Variants in RIN2 observed in about 807,000 individuals in gnomAD.
RIN2 encodes the protein Ras and Rab interactor 2, also known as RAB5 interacting protein 2.
In RIN2, 36 loss-of-function variants were observed where a neutral mutation model predicts 78.0. That is an observed-to-expected ratio of 0.46 (90% CI 0.35 to 0.61). The LOEUF is 0.61. Ranked by LOEUF, RIN2 falls within the 20% of genes least tolerant of loss-of-function variation. The pLI, the probability that RIN2 is intolerant of heterozygous loss-of-function variation, is 0.00. For missense variants in RIN2, 1,087 were observed against 1,159.7 expected (o/e 0.94, Z 0.91); for synonymous variants, 466 against 466.8 (o/e 1.00, Z 0.02).
intron 3 of RIN2, among the ~76,000 whole-genome samples, chr20:19,916,314 T>C (rs554649366): frequency 6.6e-6 from 1 of 152,254 alleles, no homozygotes; most frequent in East Asian, 1.9e-4. Context: ...TGCTTTAAGT[T>C]TGCATTTCTT....
chr20:19,939,042 C>G (rs1229275272), intron 4 of RIN2, among the ~76,000 whole-genome samples: 1 of 152,160 alleles, frequency 6.6e-6, no homozygotes, highest in South Asian at 2.1e-4. Context: ...CCAGGCAGCT[C>G]TACCTTTTAT....
chr20:19,855,194 C>G (rs566028458), intron 2 of RIN2, among the ~76,000 whole-genome samples: 1 of 151,818 alleles, frequency 6.6e-6, no homozygotes, highest in Non-Finnish European at 1.5e-5. Flanking sequence ...TATTGATTTG[C>G]GTATGTTGAA....
At chr20:19,774,126 T>C (rs1032490947) in intron 1 of RIN2, among the ~76,000 whole-genome samples, 1 of 151,960 alleles carries the variant, frequency 6.6e-6, no homozygotes, top group East Asian at 1.9e-4. Flanking sequence ...CTCCTCTCTT[T>C]TATCTCACAG....
At chr20:19,985,568 A>C (rs372104879) in intron 9 of RIN2, among the ~76,000 whole-genome samples, 42 of 152,168 alleles carry the variant, frequency 2.8e-4, no homozygotes, top group Non-Finnish European at 4.4e-4. Flanking sequence ...TGTTACTAGA[A>C]AAATAGAAAA....
chr20:19,788,354 G>A (rs562801874), intron 1 of RIN2, among the ~76,000 whole-genome samples: 1 of 150,644 alleles, frequency 6.6e-6, no homozygotes, highest in African/African-American at 2.5e-5. Flanking sequence ...CAGCACTTTG[G>A]GGGGCTGAGG....
chr20:19,964,457 A>G (rs555734333), intron 6 of RIN2, among the ~76,000 whole-genome samples: 1 of 152,174 alleles, frequency 6.6e-6, no homozygotes, highest in South Asian at 2.1e-4. Flanking sequence ...GATTTCAGGG[A>G]ACTTGTTATA....
intron 4 of RIN2, among the ~76,000 whole-genome samples, chr20:19,952,920 A>C (rs972956099): frequency 2.0e-5 from 3 of 152,174 alleles, no homozygotes; most frequent in African/African-American, 7.2e-5. Context: ...ATCTCAGGCA[A>C]ATGTTCCTTA....
intron 3 of RIN2, among the ~76,000 whole-genome samples, chr20:19,890,679 C>CAAAAAAACAAAAAA (rs2038410028): frequency 1.6e-5 from 1 of 64,448 alleles, no homozygotes; most frequent in Non-Finnish European, 2.7e-5. Flanking sequence ...GTTGACTCTA[C>CAAAAAAACAAAAAA]AAAAAAAAAA....
At chr20:19,992,482 CTAAAA>C (rs1401524937) in intron 11 of RIN2, among the ~76,000 whole-genome samples, 183 bp downstream of exon 11, 1 of 152,158 alleles carries the variant, frequency 6.6e-6, no homozygotes, top group Non-Finnish European at 1.5e-5. Flanking sequence ...TTTCCTCACC[CTAAAA>C]TAAAATTCTG....
chr20:19,760,772 A>C (rs2033607324), intron 1 of RIN2, among the ~76,000 whole-genome samples: 2 of 152,056 alleles, frequency 1.3e-5, no homozygotes, highest in Admixed American at 1.3e-4. Flanking sequence ...TGTATATCCA[A>C]CCTACCTAAT....
chr20:19,820,532 G>A (rs2035896019), intron 2 of RIN2, among the ~76,000 whole-genome samples: 1 of 152,214 alleles, frequency 6.6e-6, no homozygotes, highest in African/African-American at 2.4e-5. Context: ...TTGGAGAGAT[G>A]TTGGCCAATT....
chr20:19,782,463 G>A (rs1386555593), intron 1 of RIN2, among the ~76,000 whole-genome samples: 1 of 151,924 alleles, frequency 6.6e-6, no homozygotes, highest in African/African-American at 2.4e-5. Context: ...TACTTGGGTG[G>A]CTGAGGCACA....
chr20:19,800,192 T>G (rs2035195873), intron 2 of RIN2, among the ~76,000 whole-genome samples: 1 of 152,256 alleles, frequency 6.6e-6, no homozygotes, highest in Admixed American at 6.5e-5. Context: ...TCTACTTCTC[T>G]TTCTTCAGTT....
Position 19,974,879 on chromosome 20 carries a change from G to C in RIN2, c.854G>C (p.Ser285Thr). 1.2e-6 allele frequency: 2 copies of C among 1,614,036 alleles called. No individual in the cohort carries two copies. The highest frequency in any genetic ancestry group is 1.7e-6 in the Non-Finnish European group (2 of 1,179,894). Residue 285 changes from serine (S) to threonine (T), a missense_variant, in exon 9 of 13, where the codon AGT becomes ACT. By Grantham distance (58) the Ser-to-Thr change is moderately conservative (BLOSUM62 1). Around this residue, in one of 8 missense-constraint regions of RIN2, gnomAD observed 706 missense variants for 667.5 expected, o/e 1.06. Coordinates refer to ENST00000255006, the MANE Select transcript of RIN2 (RefSeq NM_018993.4). ...LFLKVHSQDL[S>T]GGLKRPSTRT... ...TTGAAAGTGCACAGCCAGGACCTCA[G>C]TGGAGGCCTGAAACGGCCGAGCACA...
chr20:19,820,988 T>TTGTGAGCTGG (rs888514219), intron 2 of RIN2, among the ~76,000 whole-genome samples: 87 of 152,326 alleles, frequency 5.7e-4, no homozygotes, highest in African/African-American at 2.0e-3. Context: ...TAACTGGCTC[T>TTGTGAGCTGG]TGTGAGCTGG....
intron 2 of RIN2, among the ~76,000 whole-genome samples, chr20:19,861,983 C>A (rs1031313588): frequency 6.6e-6 from 1 of 150,790 alleles, no homozygotes; most frequent in Non-Finnish European, 1.5e-5. Context: ...CTGATGATCA[C>A]CCTCCATATC....
intron 5 of RIN2, among the ~76,000 whole-genome samples, chr20:19,957,318 A>G (rs2041583694): frequency 6.6e-6 from 1 of 152,172 alleles, no homozygotes; most frequent in Admixed American, 6.5e-5. Flanking sequence ...TTCCTCAGCT[A>G]CTGTCTATCC....
chr20:19,822,815 T>A (rs1399280957), intron 2 of RIN2, among the ~76,000 whole-genome samples: 1 of 152,240 alleles, frequency 6.6e-6, no homozygotes, highest in Non-Finnish European at 1.5e-5. Flanking sequence ...ATAATTTAAC[T>A]TGCAAAGTGC....
At chr20:19,970,506 G>A (rs1318918105) in intron 7 of RIN2, among the ~76,000 whole-genome samples, 1 of 152,164 alleles carries the variant, frequency 6.6e-6, no homozygotes, top group Non-Finnish European at 1.5e-5. Context: ...AGTACATAAT[G>A]TTTTATATGC....
Sources: allele counts gnomAD v4.1 joint callset (sites outside exome capture counted in the v4.1 genomes callset), GRCh38; gene constraint gnomAD v4.1.1; regional missense constraint gnomAD v4.1.1; transcripts MANE v1.5; gene names NCBI Gene and HGNC (gene_info 2026-07-23, HGNC 2026-07-21).